HTR1E: variants seen among roughly 807,000 people sequenced by gnomAD.
HTR1E encodes 5-hydroxytryptamine receptor 1E.
In HTR1E, 3 loss-of-function variants were observed where a neutral mutation model predicts 3.4. The ratio of observed to expected loss-of-function variants is 0.89; its 90% CI spans 0.41 to 2.31. HTR1E has a LOEUF of 2.31. Among genes scored for constraint, HTR1E ranks in the 30% most tolerant of loss-of-function variants. The pLI, the probability that HTR1E is intolerant of heterozygous loss-of-function variation, is 0.05. For synonymous variants in HTR1E, 170 were observed against 182.8 expected (o/e 0.93, Z 0.56); for missense variants, 392 against 467.0 (o/e 0.84, Z 1.48).
chr6:86,960,785 T>C (rs1384435599), intron 1 of HTR1E, among the ~76,000 whole-genome samples: 1 of 152,224 alleles, frequency 6.6e-6, no homozygotes, highest in African/African-American at 2.4e-5. Context: ...TTTCATGGGA[T>C]GTCTAATCTC....
At chr6:86,967,887 G>A (rs193187457) in intron 1 of HTR1E, among the ~76,000 whole-genome samples, 1 of 152,254 alleles carries the variant, frequency 6.6e-6, no homozygotes, top group Admixed American at 6.5e-5. Context: ...GCATGAAAGG[G>A]CAGTCATACT....
rs1314538067 is a variant in HTR1E, at chr6:87,010,180, C to T, written c.-185-4970C>T. Among the ~76,000 whole-genome samples, 17 of 91,356 alleles carry T rather than the reference C, an allele frequency of 1.9e-4. No homozygotes were observed. In the East Asian group the frequency reaches 5.1e-3, roughly 27 times the overall value. 59.9% of individuals were successfully genotyped at this position (91,356 alleles called of 152,430 possible). A position where few individuals can be genotyped will look rare whatever the true frequency, so the allele number is the denominator to read the frequency against. Reference sequence around the variant, plus strand: ...CTCCCGGACGGGGCGGCTGGCCGGGCGGGGGGCCGACCCCCCCACCTCCCT... The same window carrying T: ...CTCCCGGACGGGGCGGCTGGCCGGGTGGGGGGCCGACCCCCCCACCTCCCT... On this transcript the variant is annotated intron_variant, in intron 1 of 1. Transcript: ENST00000305344.
At chr6:86,984,258 T>C (rs75530245) in intron 1 of HTR1E, among the ~76,000 whole-genome samples, 12,431 of 152,286 alleles carry the variant, frequency 0.082, 644 homozygotes, top group African/African-American at 0.14. Flanking sequence ...TTTACCTGTG[T>C]GTAAAATATA....
chr6:86,983,544 G>A (rs114140981), intron 1 of HTR1E, among the ~76,000 whole-genome samples: 3 of 152,286 alleles, frequency 2.0e-5, no homozygotes, highest in African/African-American at 7.2e-5. Flanking sequence ...ATGACGAGGG[G>A]TTGGTTAATG....
intron 1 of HTR1E, among the ~76,000 whole-genome samples, chr6:86,950,323 C>G (rs2127817582): frequency 6.6e-6 from 1 of 152,148 alleles, no homozygotes; most frequent in Non-Finnish European, 1.5e-5. Flanking sequence ...GCAAACTGTT[C>G]TTTGAGTAGA....
intron 1 of HTR1E, among the ~76,000 whole-genome samples, chr6:86,951,362 G>A (rs189374451): frequency 5.5e-4 from 83 of 152,226 alleles, no homozygotes; most frequent in African/African-American, 1.9e-3. Context: ...TTTTCATGAA[G>A]AGCTTTTAAA....
intron 1 of HTR1E, among the ~76,000 whole-genome samples, chr6:87,001,239 AGAAG>A (rs751443422): frequency 2.0e-5 from 3 of 152,230 alleles, no homozygotes; most frequent in Non-Finnish European, 4.4e-5. Flanking sequence ...CAGAAAGAAA[AGAAG>A]GAAGGAAAAG....
At chr6:86,960,457 C>A (rs1466723690) in intron 1 of HTR1E, among the ~76,000 whole-genome samples, 1 of 152,156 alleles carries the variant, frequency 6.6e-6, no homozygotes, top group Non-Finnish European at 1.5e-5. Context: ...CACATTCAAA[C>A]CAGGCAAGTT....
intron 1 of HTR1E, among the ~76,000 whole-genome samples, chr6:87,010,371 C>A (rs1484027491): frequency 1.6e-5 from 2 of 124,044 alleles, no homozygotes; most frequent in African/African-American, 6.1e-5. Context: ...GGGGCTGACC[C>A]CCCCATCTCC....
At chr6:86,949,064 C>G (rs1015645028) in intron 1 of HTR1E, among the ~76,000 whole-genome samples, 5 of 152,182 alleles carry the variant, frequency 3.3e-5, no homozygotes, top group Non-Finnish European at 7.4e-5. Context: ...AAGAAGATTT[C>G]TGTCATTTGT....
chr6:87,002,884 T>C (rs1407286651), intron 1 of HTR1E, among the ~76,000 whole-genome samples: 1 of 152,156 alleles, frequency 6.6e-6, no homozygotes, highest in Non-Finnish European at 1.5e-5. Flanking sequence ...GCTGGAGACT[T>C]CAACACCCCA....
At chr6:87,009,910 G>A (rs1391337810) in intron 1 of HTR1E, among the ~76,000 whole-genome samples, 5 of 114,920 alleles carry the variant, frequency 4.4e-5, no homozygotes, top group Admixed American at 1.6e-4. Context: ...CCTCCCGGAC[G>A]GGGCGGCTGG....
At chr6:87,013,808 C>T (rs1490450982) in intron 1 of HTR1E, among the ~76,000 whole-genome samples, 4 of 151,998 alleles carry the variant, frequency 2.6e-5, no homozygotes, top group Non-Finnish European at 1.5e-5. Context: ...AAAAAACAAA[C>T]AACCCCATCA....
chr6:86,997,511 A>C (rs1309573548), intron 1 of HTR1E, among the ~76,000 whole-genome samples: 3 of 151,870 alleles, frequency 2.0e-5, no homozygotes, highest in Non-Finnish European at 4.4e-5. Flanking sequence ...TACAAGATCA[A>C]TACCCAAAAT....
chr6:87,003,778 G>A (rs573846282), intron 1 of HTR1E, among the ~76,000 whole-genome samples: 110 of 152,018 alleles, frequency 7.2e-4, no homozygotes, highest in African/African-American at 2.6e-3. Context: ...GATCAGAGCA[G>A]AAATAAGTGA....
At chr6:86,971,198 C>T (rs1767549879) in intron 1 of HTR1E, 38 of 396,148 alleles carry the variant, frequency 9.6e-5, no homozygotes, top group South Asian at 8.2e-4. Flanking sequence ...ACTAAGGTGT[C>T]TACCATGATT....
At chr6:87,004,640 T>G (rs1768076092) in intron 1 of HTR1E, among the ~76,000 whole-genome samples, 1 of 152,136 alleles carries the variant, frequency 6.6e-6, no homozygotes, top group Non-Finnish European at 1.5e-5. Context: ...AGTATCATAA[T>G]GAGTGGGGAA....
chr6:87,016,327 G>T lies in HTR1E; in HGVS notation c.993G>T (p.Trp331Cys). 3.1e-6 allele frequency: 5 copies of T among 1,614,158 alleles called. No individual in the cohort carries two copies. The highest frequency in any genetic ancestry group is 4.2e-6 in the Non-Finnish European group (5 of 1,180,022). Reference sequence around the variant, plus strand: ...CGGAAGTGGCCGACTTTCTGACGTGGCTCGGTTATGTGAATTCTCTGATCA... The same window carrying T: ...CGGAAGTGGCCGACTTTCTGACGTGTCTCGGTTATGTGAATTCTCTGATCA... The part of the protein sequence containing the change: ...VSSEVADFLT[W>C]LGYVNSLINP... Residue 331 changes from tryptophan (W) to cysteine (C), a missense_variant, in exon 2 of 2, where the codon TGG (tryptophan) becomes TGT (cysteine). Trp to Cys is a radical substitution (Grantham distance 215, BLOSUM62 -2). Coordinates refer to ENST00000305344, the MANE Select transcript of HTR1E (RefSeq NM_000865.3).
chr6:87,013,112 G>C (rs1768261839), intron 1 of HTR1E, among the ~76,000 whole-genome samples: 1 of 152,186 alleles, frequency 6.6e-6, no homozygotes. Context: ...AGGTGCTTTG[G>C]AAACTCTTCC....
Sources: gnomAD v4.1 joint callset for allele counts (sites outside exome capture counted in the v4.1 genomes callset) on GRCh38, gnomAD v4.1.1 for gene constraint, MANE v1.5 for transcripts, NCBI Gene and HGNC (gene_info 2026-07-23, HGNC 2026-07-21) for gene names.